The following ANP32A variants were observed in gnomAD, a reference collection of about 807,000 sequenced individuals.
ANP32A encodes the protein acidic leucine-rich nuclear phosphoprotein 32 family member A.
In ANP32A, 1 loss-of-function variant was observed where a neutral mutation model predicts 33.9. The ratio of observed to expected loss-of-function variants is 0.03; its 90% CI spans 0.01 to 0.14. The LOEUF is 0.14. Among genes scored for constraint, ANP32A ranks in the 10% least tolerant of loss-of-function variants. The probability of loss-of-function intolerance (pLI) is 1.00; values close to 1 mark genes in which losing one functional copy is unlikely to be tolerated. For missense variants in ANP32A, 155 were observed against 306.0 expected (o/e 0.51, Z 3.68); for synonymous variants, 115 against 120.5 (o/e 0.95, Z 0.30).
chr15:68,809,817 G>A (rs537004913), intron 1 of ANP32A, among the ~76,000 whole-genome samples: 1 of 152,360 alleles, frequency 6.6e-6, no homozygotes, highest in African/African-American at 2.4e-5. Context: ...AGTACTTCTA[G>A]AATGCTTACC....
chr15:68,787,547 A>G lies in ANP32A; in HGVS notation c.205-12T>C. ...TCGCTTAGTTCAAGCTAAATAAGGC[A>G]GGGAAAGAAAAAGCAGAAACAGCTT... On this transcript the variant is annotated splice_polypyrimidine_tract_variant and intron_variant, in intron 2 of 6. Coordinates refer to ENST00000465139, the MANE Select transcript of ANP32A (RefSeq NM_006305.4). 1 of 1,614,102 alleles carries G rather than the reference A, an allele frequency of 6.2e-7. No individual in the cohort carries two copies. Among genetic ancestry groups the G allele is most frequent in the South Asian group, 1.1e-5 (1 of 91,078 alleles).
intron 4 of ANP32A, among the ~76,000 whole-genome samples, chr15:68,783,752 A>C (rs1039510842): frequency 1.3e-5 from 2 of 151,194 alleles, no homozygotes; most frequent in Non-Finnish European, 3.0e-5. Context: ...GTAGGCCTCG[A>C]CTACACACCA....
intron 1 of ANP32A, among the ~76,000 whole-genome samples, chr15:68,805,897 C>G (rs1451005539): frequency 6.6e-6 from 1 of 152,212 alleles, no homozygotes; most frequent in East Asian, 1.9e-4. Flanking sequence ...AGAAGCCCCA[C>G]AAGAGCAGCA....
rs1172508531 is a variant in ANP32A, at chr15:68,787,930, G to A, written c.55-11C>T. The A allele has an allele frequency of 1.9e-6, 3 of 1,614,060 alleles. No homozygotes were observed. The South Asian group carries it at 3.3e-5, about 18-fold the overall frequency. ...GACAAGTTCTTTCACCTGAAAGAAG[G>A]CCCGACCGTGTGAGCGGGGCTGAGG... On this transcript the variant is annotated splice_polypyrimidine_tract_variant and intron_variant, in intron 1 of 6. Coordinates refer to ENST00000465139, the MANE Select transcript of ANP32A (RefSeq NM_006305.4).
intron 5 of ANP32A, chr15:68,782,695 C>A (rs13379919): frequency 0.032 from 16,873 of 524,278 alleles, 423 homozygotes; most frequent in East Asian, 0.095. Context: ...GAAACAACGG[C>A]CAGGCTTACC....
At position 68,780,013 on chromosome 15, in the gene ANP32A, G is replaced by GA. The variant is rs1039741916; in HGVS notation, c.*67_*68insT. 1 of 1,424,510 alleles carries GA rather than the reference G, an allele frequency of 7.0e-7. No homozygotes were observed. Among genetic ancestry groups the GA allele is most frequent in the Non-Finnish European group, 9.8e-7 (1 of 1,023,596 alleles). The allele number at this position is 1,424,510 out of a possible 1,614,324, so 88.2% of individuals were successfully genotyped here. On this transcript the variant is annotated 3_prime_UTR_variant, in exon 7 of 7. Coordinates refer to ENST00000465139, the MANE Select transcript of ANP32A (RefSeq NM_006305.4). The surrounding 1 kb of genome is among the most constrained non-coding windows in gnomAD (Gnocchi z 4.3). The stretch of plus-strand genomic sequence containing the variant: ...TTTCAGGGGGCAGGATTGGAGGGGG[G>GA]GGGGAGAGGGGATATGGGTAAAAAC...
chr15:68,819,338 G>A (rs1266116160), intron 1 of ANP32A, among the ~76,000 whole-genome samples: 17 of 152,230 alleles, frequency 1.1e-4, no homozygotes. Flanking sequence ...GTTTGAAAGC[G>A]AGAGGGAGGC....
At chr15:68,806,038 T>G (rs1044798035) in intron 1 of ANP32A, among the ~76,000 whole-genome samples, 1 of 152,200 alleles carries the variant, frequency 6.6e-6, no homozygotes, top group African/African-American at 2.4e-5. Flanking sequence ...ATTCCAATCT[T>G]ACACCTTCAT....
intron 1 of ANP32A, among the ~76,000 whole-genome samples, chr15:68,816,407 A>C (rs751940955): frequency 4.6e-5 from 7 of 152,106 alleles, no homozygotes; most frequent in Non-Finnish European, 7.4e-5. Context: ...GATAATAATA[A>C]TACCTACCTC....
intron 1 of ANP32A, among the ~76,000 whole-genome samples, chr15:68,815,082 G>C (rs375242286): frequency 6.6e-6 from 1 of 152,212 alleles, no homozygotes; most frequent in African/African-American, 2.4e-5. Context: ...TCCTATGGAG[G>C]TTCCTGGGTT....
intron 1 of ANP32A, among the ~76,000 whole-genome samples, chr15:68,819,063 T>C (rs1331340936): frequency 6.6e-6 from 1 of 152,144 alleles, no homozygotes; most frequent in Non-Finnish European, 1.5e-5. Context: ...AAAAGGATCT[T>C]GTTTTCAAAA....
At chr15:68,792,838 G>T (rs1002907866) in intron 1 of ANP32A, among the ~76,000 whole-genome samples, 1 of 152,224 alleles carries the variant, frequency 6.6e-6, no homozygotes, top group African/African-American at 2.4e-5. Flanking sequence ...TGCCTCTGTA[G>T]AAAGGGGATG....
chr15:68,818,286 C>G (rs1286805851), intron 1 of ANP32A: 3 of 267,288 alleles, frequency 1.1e-5, no homozygotes, highest in South Asian at 8.5e-5. Flanking sequence ...TGGCCACCAG[C>G]TCCCGGAGCC....
In ANP32A at chr15:68,796,475, A is replaced by C. The variant is rs1186924439; in HGVS notation, c.55-8556T>G. Among the ~76,000 whole-genome samples, 4 of 152,118 alleles carry C rather than the reference A, an allele frequency of 2.6e-5. No individual in the cohort carries two copies. In the East Asian group the frequency reaches 7.7e-4, roughly 29 times the overall value. ...TGTGATCCACCTGTCTCCACCTCCCAAAGTGTTGGGATTACAGGCATGAGC... is the reference window on the plus strand; with the variant it reads ...TGTGATCCACCTGTCTCCACCTCCCCAAGTGTTGGGATTACAGGCATGAGC... On this transcript the variant is annotated intron_variant, in intron 1 of 6. Coordinates refer to ENST00000465139, the MANE Select transcript of ANP32A (RefSeq NM_006305.4).
chr15:68,814,246 G>A (rs1426067448), intron 1 of ANP32A, among the ~76,000 whole-genome samples: 3 of 151,988 alleles, frequency 2.0e-5, no homozygotes, highest in Non-Finnish European at 4.4e-5. Flanking sequence ...GAAAGCTCAA[G>A]CAGATGTCTT....
chr15:68,806,175 C>T (rs1333395892), intron 1 of ANP32A, among the ~76,000 whole-genome samples: 2 of 152,170 alleles, frequency 1.3e-5, no homozygotes, highest in Non-Finnish European at 2.9e-5. Flanking sequence ...CCATCAGGGA[C>T]ATTTGTGGCA....
chr15:68,787,742 C>A (rs748372593), intron 2 of ANP32A, 28 bp downstream of exon 2: 1 of 1,612,448 alleles, frequency 6.2e-7, no homozygotes, highest in Admixed American at 1.7e-5. Context: ...CCCCGCCTCC[C>A]AGCACACACA....
rs550609035 is a variant in ANP32A at position 68,807,429 on chromosome 15, G to GT, written c.54+13268_54+13269insA. On this transcript the variant is annotated intron_variant, in intron 1 of 6. Coordinates refer to ENST00000465139, the MANE Select transcript of ANP32A (RefSeq NM_006305.4). Reference sequence around the variant, plus strand: ...TCCCGCCCCACCTCCACAGAAAACGGGGGGGGGGGAGTCTCTCCTTTGCCC... The same window carrying GT: ...TCCCGCCCCACCTCCACAGAAAACGGTGGGGGGGGGAGTCTCTCCTTTGCCC... Among the ~76,000 whole-genome samples the GT allele has an allele frequency of 1.1e-4, 14 of 131,576 alleles. 1 individual carries two copies. Among genetic ancestry groups the GT allele is most frequent in the East Asian group, 2.7e-4 (1 of 3,690 alleles). The allele number at this position is 131,576 out of a possible 152,430, so 86.3% of individuals were successfully genotyped here. A position where few individuals can be genotyped will look rare whatever the true frequency, so the allele number is the denominator to read the frequency against.
chr15:68,781,569 G>A (rs1893867526), intron 5 of ANP32A: 1 of 151,314 alleles, frequency 6.6e-6, no homozygotes, highest in Non-Finnish European at 1.5e-5. Flanking sequence ...GGCAAAGCCA[G>A]CAGCACAACT....
Sources: gnomAD v4.1 joint callset for allele counts (sites outside exome capture counted in the v4.1 genomes callset) on GRCh38, gnomAD v4.1.1 for gene constraint, Gnocchi (gnomAD v3.1) non-coding constraint, MANE v1.5 for transcripts, NCBI Gene and HGNC (gene_info 2026-07-23, HGNC 2026-07-21) for gene names.